Variants in SCGB2A1 observed in about 807,000 individuals in gnomAD.
SCGB2A1 encodes the protein secretoglobin family 2A member 1, also known as mammaglobin-B.
Under a neutral mutation model 9.2 loss-of-function variants are expected in SCGB2A1, and 6 were observed. The ratio of observed to expected loss-of-function variants is 0.66; its 90% CI spans 0.36 to 1.29. The LOEUF (loss-of-function observed/expected upper bound fraction) is 1.29. SCGB2A1 is among the 50% of genes most tolerant of loss of function. The pLI, the probability that SCGB2A1 is intolerant of heterozygous loss-of-function variation, is 0.03. For synonymous variants in SCGB2A1, 37 were observed against 41.0 expected (o/e 0.90, Z 0.37); for missense variants, 138 against 116.9 (o/e 1.18, Z -0.83).
rs200853592 is a variant in SCGB2A1, at chr11:62,210,481, T to C, written c.124T>C (p.Tyr42His). 7.0e-6 allele frequency: 11 copies of C among 1,576,742 alleles called. No individual in the cohort carries two copies. The South Asian group carries it at 1.2e-4, about 17-fold the overall frequency. ...TINSDISIPE[Y>H]KELLQEFIDS... ...CAATTCCGACATATCTATACCTGAA[T>C]ACAAAGAGCTTCTTCAAGAGTTCAT... The change falls in exon 2 of 3, where the codon TAC (tyrosine) becomes CAC (histidine). Residue 42 changes from tyrosine (Y) to histidine (H), a missense_variant. Transcript: ENST00000244930.
rs188558269 is a variant in SCGB2A1 at position 62,211,362 on chromosome 11, G to A, written c.243+762G>A. Among the ~76,000 whole-genome samples, 121 of 151,544 alleles carry A rather than the reference G, an allele frequency of 8.0e-4. 3 individuals carry two copies. Among genetic ancestry groups the A allele is most frequent in the Admixed American group, 6.3e-3 (96 of 15,254 alleles). On this transcript the variant is annotated intron_variant, in intron 2 of 2. Transcript: ENST00000244930. ...TTCTTATTTTTTTTTATCTAGCTCAGAAAATACAATTTGTGCAAATTCTGC... is the reference window on the plus strand; with the variant it reads ...TTCTTATTTTTTTTTATCTAGCTCAAAAAATACAATTTGTGCAAATTCTGC...
chr11:62,210,534 G>A lies in SCGB2A1; in HGVS notation c.177G>A (p.Met59Ile). Reference sequence around the variant, plus strand: ...ACAGTGATGCCGCTGCAGAGGCTATGGGGAAATTCAAGCAGTGTTTCCTCA... The same window carrying A: ...ACAGTGATGCCGCTGCAGAGGCTATAGGGAAATTCAAGCAGTGTTTCCTCA... Reference protein sequence around the residue: ...FIDSDAAAEAMGKFKQCFLNQ... With the variant: ...FIDSDAAAEAIGKFKQCFLNQ... The change falls in exon 2 of 3, where the codon ATG becomes ATA. Residue 59 changes from methionine (M) to isoleucine (I), a missense_variant. Transcript: ENST00000244930. The A allele has an allele frequency of 6.3e-7, 1 of 1,586,294 alleles. No homozygotes were observed. The highest frequency in any genetic ancestry group is 8.5e-7 in the Non-Finnish European group (1 of 1,171,168).
rs60357410 is a variant in SCGB2A1, at chr11:62,209,635, A to ATGTGTGTGTGTGTG, written c.56-748_56-735dup. Among the ~76,000 whole-genome samples the ATGTGTGTGTGTGTG allele has an allele frequency of 2.7e-3, 380 of 142,178 alleles. 3 individuals carry two copies. Among genetic ancestry groups the ATGTGTGTGTGTGTG allele is most frequent in the East Asian group, 0.012 (52 of 4,438 alleles). The allele number at this position is 142,178 out of a possible 152,430, so 93.3% of individuals were successfully genotyped here. ...CATGAACAAGCTCTATTTCACATTC[A>ATGTGTGTGTGTGTG]TGTGTGTGTGTGTGTGTGTGTGTGT... is the stretch of plus-strand genomic sequence containing the variant. On this transcript the variant is annotated intron_variant, in intron 1 of 2. Coordinates refer to ENST00000244930, the MANE Select transcript of SCGB2A1 (RefSeq NM_002407.3).
At chr11:62,213,556 C>T (rs2134737299) in intron 2 of SCGB2A1, 170 bp from the exon 3 acceptor site, 1 of 615,830 alleles carries the variant, frequency 1.6e-6, no homozygotes, top group East Asian at 2.8e-5. Flanking sequence ...TATGAAGTGT[C>T]TCCTAGATAA....
chr11:62,213,029 T>TACATATATAC (rs1944847360), intron 2 of SCGB2A1, among the ~76,000 whole-genome samples: 4 of 53,806 alleles, frequency 7.4e-5, no homozygotes, highest in Non-Finnish European at 1.6e-4. Flanking sequence ...TATACATATA[T>TACATATATAC]ACACACATAT....
intron 1 of SCGB2A1, 139 bp downstream of exon 1, chr11:62,208,925 C>T (rs1944806071): frequency 2.7e-6 from 2 of 732,398 alleles, no homozygotes; most frequent in South Asian, 1.7e-5. Context: ...TTAGGATCCC[C>T]ATGAGTTCCT....
chr11:62,212,846 C>T (rs1183912825), intron 2 of SCGB2A1, among the ~76,000 whole-genome samples: 4 of 151,580 alleles, frequency 2.6e-5, no homozygotes, highest in Admixed American at 2.6e-4. Flanking sequence ...AGTGATCCTC[C>T]CGCTTCAGCC....
At chr11:62,212,933 T>C (rs141459660) in intron 2 of SCGB2A1, among the ~76,000 whole-genome samples, 3,183 of 135,810 alleles carry the variant, frequency 0.023, 65 homozygotes, top group African/African-American at 0.043. Flanking sequence ...CACACATATA[T>C]ACACACATAT....
At chr11:62,213,081 CATATATACACAT>C (rs1322365190) in intron 2 of SCGB2A1, among the ~76,000 whole-genome samples, 3 of 23,390 alleles carry the variant, frequency 1.3e-4, no homozygotes, top group African/African-American at 1.8e-4. Context: ...CATATATACA[CATATATACACAT>C]ATATATATAT....
intron 2 of SCGB2A1, 91 bp downstream of exon 2, chr11:62,210,691 G>A (rs1180764457): frequency 3.7e-5 from 36 of 974,302 alleles, no homozygotes; most frequent in Non-Finnish European, 1.0e-5. Flanking sequence ...CAAGCAACTG[G>A]TGAACAAACT....
chr11:62,208,765 C>T lies in SCGB2A1; in HGVS notation c.34C>T (p.Leu12Phe), dbSNP rs757558511. ...GCTGATGGTCCTCATGCTGGCGGCC[C>T]TCCTCCTGCACTGCTATGCAGGTGA... ...KLLMVLMLAA[L>F]LLHCYADSGC... The change falls in exon 1 of 3, where the codon CTC (leucine) becomes TTC (phenylalanine). Residue 12 changes from leucine to phenylalanine, a missense_variant. By Grantham distance (22) the Leu-to-Phe change is conservative. Coordinates refer to ENST00000244930, the MANE Select transcript of SCGB2A1 (RefSeq NM_002407.3). 9.9e-6 allele frequency: 16 copies of T among 1,613,544 alleles called. No individual in the cohort carries two copies. The East Asian group carries it at 3.6e-4, about 36-fold the overall frequency.
chr11:62,210,708 A>G lies in SCGB2A1; in HGVS notation c.243+108A>G, dbSNP rs1051559700. On this transcript the variant is annotated intron_variant, in intron 2 of 2. Coordinates refer to ENST00000244930, the MANE Select transcript of SCGB2A1 (RefSeq NM_002407.3). ...AGCAACTGGTGAACAAACTTTCTTT[A>G]TATATCAATTCATTAAACTTTGTCT... 3.8e-6 allele frequency: 3 copies of G among 787,096 alleles called. No individual in the cohort carries two copies. The African/African-American group carries it at 5.5e-5, about 14-fold the overall frequency. 48.8% of individuals were successfully genotyped at this position (787,096 alleles called of 1,614,324 possible).
At chr11:62,213,285 C>A (rs1393187772) in intron 2 of SCGB2A1, 2 of 161,082 alleles carry the variant, frequency 1.2e-5, no homozygotes, top group Non-Finnish European at 2.7e-5. Flanking sequence ...GAGTCTCAGA[C>A]TGTTACAACA....
chr11:62,213,106 A>ATATATTTTT (rs67975205), intron 2 of SCGB2A1, among the ~76,000 whole-genome samples: 16,878 of 116,064 alleles, frequency 0.15, 2,403 homozygotes, highest in South Asian at 0.27. Context: ...ATATATATAT[A>ATATATTTTT]TTTTTTTTTT....
chr11:62,209,087 G>T (rs1792869), intron 1 of SCGB2A1, among the ~76,000 whole-genome samples: 4,660 of 152,138 alleles, frequency 0.031, 257 homozygotes, highest in African/African-American at 0.1. Context: ...TATTTCAGTG[G>T]GGCAAGGGAG....
At chr11:62,212,410 A>G (rs1258481207) in intron 2 of SCGB2A1, among the ~76,000 whole-genome samples, 2 of 151,442 alleles carry the variant, frequency 1.3e-5, no homozygotes, top group Admixed American at 6.6e-5. Context: ...CAAGGCGGGC[A>G]GATCACTTGA....
At chr11:62,212,871 G>A (rs1019369741) in intron 2 of SCGB2A1, among the ~76,000 whole-genome samples, 2 of 149,066 alleles carry the variant, frequency 1.3e-5, no homozygotes, top group Admixed American at 6.6e-5. Flanking sequence ...GAGTAGCTGC[G>A]ACTACAGGTG....
Position 62,213,087 on chromosome 11 carries a change from TACACATATATATA to T in SCGB2A1, c.244-638_244-626del, listed in dbSNP as rs1944850280. 2.6e-4 allele frequency among the ~76,000 whole-genome samples: 31 copies of T among 119,226 alleles called. 1 individual carries two copies. The highest frequency in any genetic ancestry group is 9.0e-4 in the African/African-American group (26 of 28,882). 78.2% of individuals were successfully genotyped at this position (119,226 alleles called of 152,430 possible). On this transcript the variant is annotated intron_variant, in intron 2 of 2. Coordinates refer to ENST00000244930, the MANE Select transcript of SCGB2A1 (RefSeq NM_002407.3). ...ACATATATACATATATACACATATA[TACACATATATATA>T]TATATATTTTTTTTTTTGTAGAGAT... is the stretch of plus-strand genomic sequence containing the variant.
At chr11:62,210,622 G>T in intron 2 of SCGB2A1, 22 bp downstream of exon 2, 1 of 1,496,254 alleles carries the variant, frequency 6.7e-7, no homozygotes, top group Non-Finnish European at 8.9e-7. Flanking sequence ...TTCTTCTTAT[G>T]TACCCTTTGA....
Sources: gnomAD v4.1 joint callset for allele counts (sites outside exome capture counted in the v4.1 genomes callset) on GRCh38, gnomAD v4.1.1 for gene constraint, MANE v1.5 for transcripts, NCBI Gene and HGNC (gene_info 2026-07-23, HGNC 2026-07-21) for gene names.